Variants in WWOX observed in about 807,000 individuals in gnomAD.
The protein encoded by WWOX is WW domain-containing oxidoreductase.
A neutral mutation model predicts 46.2 loss-of-function variants in WWOX; 69 were observed. The observed-to-expected ratio is 1.49, with a 90% confidence interval of 1.23 to 1.82. WWOX has a LOEUF of 1.82. WWOX is among the 40% of genes most tolerant of loss of function. The pLI is 0.00. For missense variants in WWOX, 919 were observed against 542.6 expected (o/e 1.69, Z -6.89); for synonymous variants, 359 against 202.6 (o/e 1.77, Z -6.56).
At chr16:79,099,527 A>G (rs940733965) in intron 8 of WWOX, among the ~76,000 whole-genome samples, 1 of 145,724 alleles carries the variant, frequency 6.9e-6, no homozygotes, top group Non-Finnish European at 1.5e-5. Flanking sequence ...AGTTTCTTTA[A>G]TTTTTTTTCT....
intron 8 of WWOX, among the ~76,000 whole-genome samples, chr16:78,499,055 T>G (rs944433891): frequency 6.6e-6 from 1 of 152,250 alleles, no homozygotes; most frequent in African/African-American, 2.4e-5. Context: ...ATGGTTTTAT[T>G]GTAGTTTCAT....
chr16:78,957,464 T>C (rs774099805), intron 8 of WWOX, among the ~76,000 whole-genome samples: 1 of 152,182 alleles, frequency 6.6e-6, no homozygotes, highest in Non-Finnish European at 1.5e-5. Context: ...ATTGTAGACA[T>C]AGGGATGTCG....
intron 6 of WWOX, among the ~76,000 whole-genome samples, chr16:78,417,888 T>G (rs1244857621): frequency 6.6e-6 from 1 of 152,180 alleles, no homozygotes; most frequent in Non-Finnish European, 1.5e-5. Flanking sequence ...CCATGACTTT[T>G]CAGGTTTTAG....
chr16:79,107,031 G>C (rs976095445), intron 8 of WWOX, among the ~76,000 whole-genome samples: 3 of 151,916 alleles, frequency 2.0e-5, no homozygotes, highest in South Asian at 4.2e-4. Flanking sequence ...GGCTGGTCTC[G>C]ATCTCCTGAC....
chr16:78,536,834 A>G (rs2043770096), intron 8 of WWOX, among the ~76,000 whole-genome samples: 2 of 150,588 alleles, frequency 1.3e-5, no homozygotes, highest in Non-Finnish European at 2.9e-5. Context: ...TTCATCATAG[A>G]TCTCAGCTTA....
At chr16:78,807,380 T>C (rs1219232866) in intron 8 of WWOX, among the ~76,000 whole-genome samples, 2 of 152,222 alleles carry the variant, frequency 1.3e-5, no homozygotes, top group Non-Finnish European at 2.9e-5. Flanking sequence ...GTAAAACTAT[T>C]CTTGTTCTTC....
Position 79,135,748 on chromosome 16 carries a change from T to C in WWOX, c.1057-75860T>C, listed in dbSNP as rs142598272. Among the ~76,000 whole-genome samples, 1,212 of 152,270 alleles carry C rather than the reference T, an allele frequency of 8.0e-3. 16 individuals are homozygous for C. The highest frequency in any genetic ancestry group is 0.027 in the African/African-American group (1,118 of 41,530). On this transcript the variant is annotated intron_variant, in intron 8 of 8. Coordinates refer to ENST00000566780, the MANE Select transcript of WWOX (RefSeq NM_016373.4). ...GTATTACCATTTTAAAAAAATAATATAGCTATCAGTCGTGTAAAAAAAATC... is the reference window on the plus strand; with the variant it reads ...GTATTACCATTTTAAAAAAATAATACAGCTATCAGTCGTGTAAAAAAAATC...
intron 8 of WWOX, among the ~76,000 whole-genome samples, chr16:78,563,569 G>A (rs1027893350): frequency 9.4e-5 from 14 of 149,318 alleles, no homozygotes; most frequent in Non-Finnish European, 2.1e-4. Flanking sequence ...GAACGTAAAG[G>A]TAGATTTTTA....
intron 5 of WWOX, among the ~76,000 whole-genome samples, chr16:78,202,124 A>C (rs1156507766): frequency 1.2e-4 from 19 of 152,172 alleles, no homozygotes; most frequent in Admixed American, 1.2e-3. Flanking sequence ...CCTGCTAAAT[A>C]AGGGAACAAT....
chr16:78,870,305 A>C (rs1464341363), intron 8 of WWOX, among the ~76,000 whole-genome samples: 1 of 152,144 alleles, frequency 6.6e-6, no homozygotes, highest in Non-Finnish European at 1.5e-5. Context: ...GACACACATT[A>C]CTTCTTTTCA....
At chr16:78,648,345 A>G (rs1003988689) in intron 8 of WWOX, among the ~76,000 whole-genome samples, 3 of 152,212 alleles carry the variant, frequency 2.0e-5, no homozygotes, top group Non-Finnish European at 2.9e-5. Context: ...CTCCTTCATC[A>G]GGAGCCAGCC....
At chr16:78,956,374 C>G (rs577504488) in intron 8 of WWOX, among the ~76,000 whole-genome samples, 3 of 152,200 alleles carry the variant, frequency 2.0e-5, no homozygotes, top group Admixed American at 6.5e-5. Flanking sequence ...AGGCTGGTCT[C>G]TAACTCCTGA....
chr16:78,200,770 T>C (rs1228451476), intron 5 of WWOX, among the ~76,000 whole-genome samples: 1 of 152,118 alleles, frequency 6.6e-6, no homozygotes, highest in Admixed American at 6.6e-5. Flanking sequence ...CACTCGGTTA[T>C]ATGTGCTGGA....
intron 1 of WWOX, among the ~76,000 whole-genome samples, chr16:78,103,945 G>C (rs545690107): frequency 2.7e-4 from 41 of 152,112 alleles, no homozygotes; most frequent in African/African-American, 9.6e-4. Context: ...AAGCCCACCA[G>C]GGTGGGCTCC....
chr16:78,922,821 C>T (rs367908979), intron 8 of WWOX, among the ~76,000 whole-genome samples: 1 of 152,138 alleles, frequency 6.6e-6, no homozygotes. Context: ...GCTTGGGGGT[C>T]CCAGTCCTGG....
At chr16:78,970,659 A>G (rs549415485) in intron 8 of WWOX, among the ~76,000 whole-genome samples, 4 of 152,272 alleles carry the variant, frequency 2.6e-5, no homozygotes, top group Admixed American at 2.6e-4. Flanking sequence ...ATCATGAGAA[A>G]TTTGCTGAGA....
chr16:78,899,337 G>C lies in WWOX; in HGVS notation c.1057-312271G>C, dbSNP rs892623454. ...CTATCTGCATATTAGAGGGAGTTTA[G>C]CTCATTGGTTAAAAGGATTTGTTCC... On this transcript the variant is annotated intron_variant, in intron 8 of 8. Transcript: ENST00000566780. 3 of 152,206 alleles carry C rather than the reference G, an allele frequency of 2.0e-5. No individual in the cohort carries two copies. The East Asian group carries it at 5.8e-4, about 29-fold the overall frequency. 9.4% of individuals were successfully genotyped at this position (152,206 alleles called of 1,614,324 possible). A position where few individuals can be genotyped will look rare whatever the true frequency, so the allele number is the denominator to read the frequency against.
chr16:79,109,120 A>C (rs376774926), intron 8 of WWOX, among the ~76,000 whole-genome samples: 15 of 152,178 alleles, frequency 9.9e-5, no homozygotes, highest in African/African-American at 3.6e-4. Context: ...AGCTCTTGAC[A>C]ATAAATGAGA....
chr16:78,708,350 C>G (rs1266157957), intron 8 of WWOX, among the ~76,000 whole-genome samples: 3 of 152,122 alleles, frequency 2.0e-5, no homozygotes, highest in African/African-American at 7.2e-5. Flanking sequence ...TTATGTGAAA[C>G]TCAAATTTTA....
Sources: gnomAD v4.1 joint callset for allele counts (sites outside exome capture counted in the v4.1 genomes callset) on GRCh38, gnomAD v4.1.1 for gene constraint, MANE v1.5 for transcripts, NCBI Gene and HGNC (gene_info 2026-07-23, HGNC 2026-07-21) for gene names.